Variants in PLXNA2 observed in about 807,000 individuals in gnomAD.
PLXNA2 encodes the protein plexin A2, also known as plexin-A2.
A neutral mutation model predicts 193.5 loss-of-function variants in PLXNA2; 91 were observed. The ratio of observed to expected loss-of-function variants is 0.47; its 90% confidence interval spans 0.40 to 0.56. The LOEUF is 0.56. PLXNA2 is among the 20% of genes least tolerant of loss of function. The pLI, the probability that PLXNA2 is intolerant of heterozygous loss-of-function variation, is 0.00. For missense variants in PLXNA2, 1,995 were observed against 2,503.2 expected (o/e 0.80, Z 4.33); for synonymous variants, 997 against 1,027.3 (o/e 0.97, Z 0.56).
In PLXNA2 at chr1:208,042,831, TAATTAAAAAATGACAAACAATG is replaced by T. The variant is rs1200433296; in HGVS notation, c.4017+208_4017+229del. ...GATCTTAGTTAATTAGTTCAGTCAT[TAATTAAAAAATGACAAACAATG>T]AGCTTTACCCTGGAACCATCCCAAG... is the stretch of plus-strand genomic sequence containing the variant. On this transcript the variant is annotated intron_variant, in intron 21 of 31. Transcript: ENST00000367033. Among the ~76,000 whole-genome samples the T allele has an allele frequency of 3.3e-5, 5 of 152,314 alleles. No homozygotes were observed. In the East Asian group the frequency reaches 9.6e-4, roughly 29 times the overall value.
intron 12 of PLXNA2, among the ~76,000 whole-genome samples, chr1:208,061,632 C>T (rs1268467161): frequency 2.0e-5 from 3 of 152,182 alleles, no homozygotes; most frequent in Non-Finnish European, 4.4e-5. Flanking sequence ...TGCTGGCTTC[C>T]TGTTGGCAAG....
rs938601535 is a variant in PLXNA2 at position 208,024,686 on chromosome 1, C to T, written c.*2557G>A. On this transcript the variant is annotated 3_prime_UTR_variant, in exon 32 of 32. Coordinates refer to ENST00000367033, the MANE Select transcript of PLXNA2 (RefSeq NM_025179.4). ...ACGCCCCAGGGGCAGTGAATCGTCT[C>T]CAAAAGTAACTGCTGGGAGATGCCA... The T allele has an allele frequency of 6.6e-6, 1 of 152,302 alleles. No individual in the cohort carries two copies. Among genetic ancestry groups the T allele is most frequent in the Admixed American group, 6.5e-5 (1 of 15,284 alleles). 9.4% of individuals were successfully genotyped at this position (152,302 alleles called of 1,614,324 possible).
intron 3 of PLXNA2, among the ~76,000 whole-genome samples, chr1:208,181,195 A>T (rs1003714852): frequency 6.6e-6 from 1 of 152,184 alleles, no homozygotes; most frequent in African/African-American, 2.4e-5. Flanking sequence ...GGACAATCCC[A>T]TCTACCACTT....
intron 3 of PLXNA2, among the ~76,000 whole-genome samples, chr1:208,153,889 G>C (rs552068108): frequency 3.9e-5 from 6 of 152,200 alleles, no homozygotes; most frequent in African/African-American, 1.4e-4. Context: ...GATTCTGTTT[G>C]AATAGCTGTC....
In PLXNA2 at chr1:208,038,704, T is replaced by C; in HGVS notation, c.4660+121A>G. On this transcript the variant is annotated intron_variant, in intron 25 of 31. Transcript: ENST00000367033. The surrounding 1 kb of genome is among the most constrained non-coding windows in gnomAD (Gnocchi z 4.1). Reference sequence around the variant, plus strand: ...CAGGCAGCGCTCAAAGCGGGAAGCATTTCACACGGGCCTCAGCTGGCCAGG... The same window carrying C: ...CAGGCAGCGCTCAAAGCGGGAAGCACTTCACACGGGCCTCAGCTGGCCAGG... The C allele has an allele frequency of 9.0e-7, 1 of 1,111,350 alleles. No homozygotes were observed. Among genetic ancestry groups the C allele is most frequent in the Admixed American group, 2.0e-5 (1 of 50,240 alleles). The allele number at this position is 1,111,350 out of a possible 1,614,324, so 68.8% of individuals were successfully genotyped here. A position where few individuals can be genotyped will look rare whatever the true frequency, so the allele number is the denominator to read the frequency against.
At chr1:208,210,884 C>G (rs762920661) in intron 2 of PLXNA2, among the ~76,000 whole-genome samples, 1 of 152,188 alleles carries the variant, frequency 6.6e-6, no homozygotes, top group Non-Finnish European at 1.5e-5. Context: ...AGGATTTCTA[C>G]CAGCCCAGAA....
chr1:208,192,297 G>T (rs1472134821), intron 3 of PLXNA2, among the ~76,000 whole-genome samples: 1 of 141,636 alleles, frequency 7.1e-6, no homozygotes, highest in Admixed American at 7.0e-5. Context: ...TGGACACCGG[G>T]TTTGGGGATG....
At chr1:208,188,307 G>A (rs540294856) in intron 3 of PLXNA2, among the ~76,000 whole-genome samples, 2 of 152,280 alleles carry the variant, frequency 1.3e-5, no homozygotes, top group Non-Finnish European at 2.9e-5. Flanking sequence ...ACACAACAAA[G>A]GTATGGAGCC....
intron 4 of PLXNA2, among the ~76,000 whole-genome samples, chr1:208,132,540 G>C (rs1324622124): frequency 1.3e-5 from 2 of 152,184 alleles, no homozygotes; most frequent in Admixed American, 1.3e-4. Flanking sequence ...TTATCTCATA[G>C]GACTGGTGTA....
chr1:208,086,723 C>G (rs1446154318), intron 9 of PLXNA2, among the ~76,000 whole-genome samples: 1 of 144,960 alleles, frequency 6.9e-6, no homozygotes, highest in Admixed American at 7.1e-5. Flanking sequence ...TAAACTTGCT[C>G]TTTACTGCAC....
chr1:208,098,981 A>G lies in PLXNA2; in HGVS notation c.1608-12T>C, dbSNP rs764183692. On this transcript the variant is annotated splice_polypyrimidine_tract_variant and intron_variant, in intron 5 of 31. Coordinates refer to ENST00000367033, the MANE Select transcript of PLXNA2 (RefSeq NM_025179.4). ...CCCTGCGGGAGCACCTGCCATAAAC[A>G]CAGATTCACAAGAGGTCAGGCCTCT... The G allele has an allele frequency of 6.8e-6, 11 of 1,612,426 alleles. No individual in the cohort carries two copies. The highest frequency in any genetic ancestry group is 8.5e-6 in the Non-Finnish European group (10 of 1,179,864).
intron 3 of PLXNA2, among the ~76,000 whole-genome samples, chr1:208,178,826 T>G (rs1669747123): frequency 6.6e-6 from 1 of 152,220 alleles, no homozygotes. Flanking sequence ...ATTCTCAGGC[T>G]CCATCTCAGA....
chr1:208,061,772 T>C (rs1054673315), intron 12 of PLXNA2, among the ~76,000 whole-genome samples: 1 of 152,146 alleles, frequency 6.6e-6, no homozygotes, highest in African/African-American at 2.4e-5. Context: ...ATGTAGCTCT[T>C]TGGGATCCAA....
intron 4 of PLXNA2, among the ~76,000 whole-genome samples, chr1:208,125,652 C>T (rs1442104340): frequency 2.0e-5 from 3 of 152,202 alleles, no homozygotes; most frequent in Non-Finnish European, 4.4e-5. Context: ...CCTCTGTGAT[C>T]ATATTCAAAC....
At position 208,079,236 on chromosome 1, in the gene PLXNA2, G is replaced by A. The variant is rs369501133; in HGVS notation, c.2586+24C>T. The A allele has an allele frequency of 1.8e-5, 28 of 1,586,626 alleles. No individual in the cohort carries two copies. In the African/African-American group the frequency reaches 3.6e-4, roughly 21 times the overall value. ...GGTCAGCTCTTGGCCACCCCTTCCT[G>A]CTCTAGAGACTTGCAGGACTTACCT... is the stretch of plus-strand genomic sequence containing the variant. On this transcript the variant is annotated intron_variant, in intron 12 of 31. Transcript: ENST00000367033.
chr1:208,071,711 A>T (rs1272662728), intron 12 of PLXNA2, among the ~76,000 whole-genome samples: 1 of 152,198 alleles, frequency 6.6e-6, no homozygotes, highest in Non-Finnish European at 1.5e-5. Context: ...TCCATTATTC[A>T]TCCTGACACC....
At chr1:208,045,017 C>T in intron 19 of PLXNA2, 50 bp downstream of exon 19, 1 of 1,609,206 alleles carries the variant, frequency 6.2e-7, no homozygotes, top group Non-Finnish European at 8.5e-7. Flanking sequence ...ACAGATCACA[C>T]ATGCACCACG....
At position 208,028,257 on chromosome 1, in the gene PLXNA2, G is replaced by A; in HGVS notation, c.5439-98C>T. The A allele has an allele frequency of 8.8e-7, 1 of 1,131,416 alleles. No individual in the cohort carries two copies. The highest frequency in any genetic ancestry group is 1.7e-5 in the South Asian group (1 of 58,538). The allele number at this position is 1,131,416 out of a possible 1,614,324, so 70.1% of individuals were successfully genotyped here. A position where few individuals can be genotyped will look rare whatever the true frequency, so the allele number is the denominator to read the frequency against. ...TCCTTCGAGGGCACTGATGTACCCA[G>A]TTGCTCCTGCCTCCCTATTTCTCTT... On this transcript the variant is annotated intron_variant, in intron 30 of 31. Transcript: ENST00000367033. This position sits in a 1 kb window ranked among gnomAD's most constrained non-coding sequence, Gnocchi z 4.2.
chr1:208,029,803 G>C (rs1226543637), intron 29 of PLXNA2: 1 of 985,366 alleles, frequency 1.0e-6, no homozygotes, highest in Admixed American at 6.1e-5. Context: ...AGACCATAAA[G>C]CAAATAAGCC....
Sources: allele counts gnomAD v4.1 joint callset (sites outside exome capture counted in the v4.1 genomes callset), GRCh38; gene constraint gnomAD v4.1.1; non-coding constraint Gnocchi (gnomAD v3.1); transcripts MANE v1.5; gene names NCBI Gene and HGNC (gene_info 2026-07-23, HGNC 2026-07-21).